Variants in MCF2L observed in about 807,000 individuals in gnomAD.
MCF2L encodes guanine nucleotide exchange factor DBS.
MCF2L carries 97 observed loss-of-function variants against 153.4 expected under a neutral mutation model. That is an observed-to-expected ratio of 0.63 (90% CI 0.54 to 0.75). The LOEUF is 0.75. MCF2L is among the 30% of genes least tolerant of loss of function. MCF2L has a pLI of 0.00. For synonymous variants in MCF2L, 659 were observed against 632.2 expected, an observed-to-expected ratio of 1.04 and a Z score of -0.64; for missense variants, 1,347 against 1,495.2, an observed-to-expected ratio of 0.90 and a Z score of 1.64.
intron 3 of MCF2L, chr13:113,042,411 T>C: frequency 6.6e-6 from 1 of 152,280 alleles, no homozygotes; most frequent in African/African-American, 2.4e-5. Context: ...CAATTTTGAC[T>C]TCTAAAAAAT....
chr13:112,920,747 C>T (rs2081343850), intron 2 of MCF2L, among the ~76,000 whole-genome samples: 1 of 151,608 alleles, frequency 6.6e-6, no homozygotes. Context: ...GAGGACCCGA[C>T]CGAGCTCTTC....
chr13:112,980,724 A>T (rs1458775256), intron 1 of MCF2L, among the ~76,000 whole-genome samples: 1 of 140,698 alleles, frequency 7.1e-6, no homozygotes, highest in Non-Finnish European at 1.5e-5. Context: ...ACTGCCGGTC[A>T]GCTGAGCGTG....
rs193072742 is a variant in MCF2L, at chr13:112,907,821, G to A, written c.169+5450G>A. On this transcript the variant is annotated intron_variant, in intron 2 of 29. Transcript: ENST00000375608. This position sits in a 1 kb window ranked among gnomAD's most constrained non-coding sequence, Gnocchi z 5.1. Reference sequence around the variant, plus strand: ...GAAAAGGCGATCTCAGCAGCACGCCGTGTTAAAGAACAGCGCATGTTGGGA... The same window carrying A: ...GAAAAGGCGATCTCAGCAGCACGCCATGTTAAAGAACAGCGCATGTTGGGA... Among the ~76,000 whole-genome samples the A allele has an allele frequency of 9.8e-5, 15 of 152,294 alleles. No individual in the cohort carries two copies. Among genetic ancestry groups the A allele is most frequent in the East Asian group, 3.9e-4 (2 of 5,184 alleles).
intron 2 of MCF2L, among the ~76,000 whole-genome samples, chr13:112,936,806 C>T (rs1032900313): frequency 3.3e-5 from 5 of 152,148 alleles, no homozygotes; most frequent in African/African-American, 9.7e-5. Context: ...TACGTGCATT[C>T]CCTCGTAGAC....
intron 2 of MCF2L, among the ~76,000 whole-genome samples, chr13:112,959,800 G>T (rs954983536): frequency 6.6e-6 from 1 of 152,216 alleles, no homozygotes; most frequent in African/African-American, 2.4e-5. Context: ...GCCTGGCATG[G>T]TGTGTCCACA....
intron 3 of MCF2L, among the ~76,000 whole-genome samples, chr13:113,030,382 C>G (rs576898758): frequency 1.4e-5 from 2 of 144,964 alleles, no homozygotes; most frequent in Non-Finnish European, 3.0e-5. Flanking sequence ...GGTGTGGGCC[C>G]TCGGGTGTCC....
chr13:113,078,294 G>A lies in MCF2L; in HGVS notation c.1661-69G>A, dbSNP rs191293138. ...TACCCTCTCCTCGGGGCCTTTTCCC[G>A]CTGGGTGCACTTCCCCTCTCCAGAG... On this transcript the variant is annotated intron_variant, in intron 13 of 29. Coordinates refer to ENST00000535094, the MANE Select transcript of MCF2L (RefSeq NM_001112732.3). 66 of 1,305,586 alleles carry A rather than the reference G, an allele frequency of 5.1e-5. No individual in the cohort carries two copies. The East Asian group carries it at 6.8e-4, about 14-fold the overall frequency. 80.9% of individuals were successfully genotyped at this position (1,305,586 alleles called of 1,614,324 possible). A position where few individuals can be genotyped will look rare whatever the true frequency, so the allele number is the denominator to read the frequency against.
At chr13:112,944,569 CT>C (rs34676086) in intron 2 of MCF2L, among the ~76,000 whole-genome samples, 52,329 of 101,438 alleles carry the variant, frequency 0.52, 10,873 homozygotes, top group East Asian at 0.68. Flanking sequence ...TAAACCTGAA[CT>C]TTTTTTTTTT....
At position 113,088,335 on chromosome 13, in the gene MCF2L, T is replaced by C; in HGVS notation, c.2697T>C (p.Thr899=). ...REEVYIVQAP[T]PEIKAAWVNE... is the part of the protein sequence containing the mutation. ...TTCTTTTGGGGAAACAGGCGCCAACTCCTGAGATTAAAGCCGCGTGGGTGA... is the reference window on the plus strand; with the variant it reads ...TTCTTTTGGGGAAACAGGCGCCAACCCCTGAGATTAAAGCCGCGTGGGTGA... Residue 899 remains threonine, a synonymous_variant, in exon 24 of 30, where the codon ACT becomes ACC. Transcript: ENST00000535094. 6.2e-7 allele frequency: 1 copy of C among 1,613,286 alleles called. No individual in the cohort carries two copies. Among genetic ancestry groups the C allele is most frequent in the Non-Finnish European group, 8.5e-7 (1 of 1,179,608 alleles).
chr13:112,958,766 G>T (rs775068917), intron 2 of MCF2L, among the ~76,000 whole-genome samples: 3 of 152,218 alleles, frequency 2.0e-5, no homozygotes, highest in Admixed American at 6.5e-5. Flanking sequence ...CCCTGCTCGT[G>T]TGTGGGATAC....
At position 113,064,447 on chromosome 13, in the gene MCF2L, T is replaced by C. The variant is rs781479905; in HGVS notation, c.606+27T>C. 6.8e-7 allele frequency: 1 copy of C among 1,464,360 alleles called. No homozygotes were observed. Among genetic ancestry groups the C allele is most frequent in the Non-Finnish European group, 9.5e-7 (1 of 1,048,032 alleles). The allele number at this position is 1,464,360 out of a possible 1,614,324, so 90.7% of individuals were successfully genotyped here. ...TGAGCCGCGTCGGGGCCAGCGGGGC[T>C]GGCTGATACCAGCTCGAGTACTTCC... is the stretch of plus-strand genomic sequence containing the variant. On this transcript the variant is annotated intron_variant, in intron 6 of 29. Coordinates refer to ENST00000535094, the MANE Select transcript of MCF2L (RefSeq NM_001112732.3). This position sits in a 1 kb window ranked among gnomAD's most constrained non-coding sequence, Gnocchi z 6.0.
upstream of MCF2L, chr13:112,965,813 G>T (rs1292122222): frequency 3.9e-5 from 6 of 152,126 alleles, no homozygotes; most frequent in African/African-American, 1.4e-4. Context: ...TCCCTCCTGG[G>T]GCGCCTCTGG....
intron 2 of MCF2L, among the ~76,000 whole-genome samples, chr13:112,961,449 A>C (rs903429031): frequency 6.6e-6 from 1 of 152,106 alleles, no homozygotes; most frequent in African/African-American, 2.4e-5. Context: ...GGGCTGGGGG[A>C]CAGGGCCTCA....
intron 5 of MCF2L, among the ~76,000 whole-genome samples, chr13:113,060,994 C>T (rs1019008952): frequency 3.3e-5 from 5 of 151,890 alleles, no homozygotes; most frequent in East Asian, 3.9e-4. Context: ...GCGGGTCACG[C>T]GACATTCATA....
intron 2 of MCF2L, among the ~76,000 whole-genome samples, chr13:112,918,388 G>C (rs2081317416): frequency 2.0e-5 from 3 of 152,238 alleles, no homozygotes; most frequent in Admixed American, 6.5e-5. Context: ...CTGGGAGAGA[G>C]AGCAGGAGTA....
chr13:112,941,463 A>T lies in MCF2L; in HGVS notation c.169+39092A>T, dbSNP rs1459084670. Among the ~76,000 whole-genome samples, 1 of 151,830 alleles carries T rather than the reference A, an allele frequency of 6.6e-6. No individual in the cohort carries two copies. The highest frequency in any genetic ancestry group is 1.5e-5 in the Non-Finnish European group (1 of 67,958). On this transcript the variant is annotated intron_variant, in intron 2 of 29. Transcript: ENST00000375608. The surrounding 1 kb of genome is among the most constrained non-coding windows in gnomAD (Gnocchi z 4.9). ...GGAAAATAACTTACAGTAAAATGTAAATCTATTAGTATTGAGCACACTGTG... is the reference window on the plus strand; with the variant it reads ...GGAAAATAACTTACAGTAAAATGTATATCTATTAGTATTGAGCACACTGTG...
chr13:112,895,565 G>C (rs2140480287), intron 1 of MCF2L, among the ~76,000 whole-genome samples: 1 of 152,258 alleles, frequency 6.6e-6, no homozygotes, highest in South Asian at 2.1e-4. Flanking sequence ...GAGGGGTCCA[G>C]GGCTGGTCGT....
chr13:113,050,012 C>A (rs1330422968), intron 4 of MCF2L, among the ~76,000 whole-genome samples: 1 of 150,484 alleles, frequency 6.6e-6, no homozygotes. Flanking sequence ...TCACAGCTAC[C>A]CACCCAGGGG....
At chr13:113,009,487 A>G (rs1385162491) in intron 1 of MCF2L, 2 of 152,242 alleles carry the variant, frequency 1.3e-5, no homozygotes, top group Non-Finnish European at 2.9e-5. Flanking sequence ...TGCAAAATCA[A>G]ACAGATCCTT....
Sources: allele counts gnomAD v4.1 joint callset (sites outside exome capture counted in the v4.1 genomes callset), GRCh38; gene constraint gnomAD v4.1.1; non-coding constraint Gnocchi (gnomAD v3.1); transcripts MANE v1.5; gene names NCBI Gene and HGNC (gene_info 2026-07-23, HGNC 2026-07-21).